Variants in SLK observed in about 807,000 individuals in gnomAD.
SLK encodes the protein STE20-like serine/threonine-protein kinase.
A neutral mutation model predicts 147.7 loss-of-function variants in SLK; 67 were observed. The observed-to-expected ratio is 0.45, with a 90% CI of 0.37 to 0.56. The LOEUF (loss-of-function observed/expected upper bound fraction) is 0.56, where lower values mean the gene tolerates loss of function less well. Ranked by LOEUF, SLK falls within the 20% of genes least tolerant of loss-of-function variation. SLK has a pLI of 0.00. For synonymous variants in SLK, 441 were observed against 475.0 expected (o/e 0.93, Z 0.93); for missense variants, 1,136 against 1,438.8 (o/e 0.79, Z 3.41).
Position 104,003,478 on chromosome 10 carries a change from T to A in SLK, c.2300T>A (p.Ile767Asn). 2 of 1,602,514 alleles carry A rather than the reference T, an allele frequency of 1.2e-6. No homozygotes were observed. Among genetic ancestry groups the A allele is most frequent in the Non-Finnish European group, 1.7e-6 (2 of 1,175,080 alleles). ...DTSSIDLNLS[I>N]SSFLSKTKDS... Reference sequence around the variant, plus strand: ...AGCAGTATTGACTTGAATTTATCCATCTCTAGCTTTCTAAGTAAAACTAAA... The same window carrying A: ...AGCAGTATTGACTTGAATTTATCCAACTCTAGCTTTCTAAGTAAAACTAAA... Residue 767 changes from isoleucine (I) to asparagine (N), a missense_variant, in exon 9 of 19, where the codon ATC becomes AAC. This residue lies in a region of SLK where 516 missense variants were observed against 531.3 expected (regional missense o/e 0.97). Transcript: ENST00000369755.
intron 13 of SLK, among the ~76,000 whole-genome samples, chr10:104,016,575 T>C (rs1844468541): frequency 6.6e-6 from 1 of 152,198 alleles, no homozygotes; most frequent in Non-Finnish European, 1.5e-5. Flanking sequence ...AAGTTGGTAA[T>C]TGCATTTTAT....
At chr10:103,986,620 G>A (rs1304003615) in intron 1 of SLK, among the ~76,000 whole-genome samples, 5 of 151,194 alleles carry the variant, frequency 3.3e-5, no homozygotes, top group Non-Finnish European at 5.9e-5. Flanking sequence ...TGGCCCTGTG[G>A]TTGGGGAACC....
intron 2 of SLK, 124 bp downstream of exon 2, chr10:103,990,963 G>A (rs1486758536): frequency 4.2e-6 from 2 of 473,210 alleles, no homozygotes; most frequent in Non-Finnish European, 7.0e-6. Context: ...TGTGTCACTT[G>A]AATGAGAGTT....
chr10:103,981,481 A>G (rs1843941484), intron 1 of SLK, among the ~76,000 whole-genome samples: 1 of 151,988 alleles, frequency 6.6e-6, no homozygotes. Flanking sequence ...TTTAGGTCTT[A>G]CATTTAGGTT....
At chr10:103,989,869 C>A (rs1375398156) in intron 1 of SLK, among the ~76,000 whole-genome samples, 2 of 152,146 alleles carry the variant, frequency 1.3e-5, no homozygotes, top group Non-Finnish European at 2.9e-5. Flanking sequence ...AACATGTCTA[C>A]ACAGAAACCC....
intron 4 of SLK, among the ~76,000 whole-genome samples, chr10:103,996,588 C>T (rs1844178216): frequency 1.3e-5 from 2 of 151,828 alleles, no homozygotes; most frequent in Non-Finnish European, 2.9e-5. Flanking sequence ...TTCGTAGAGA[C>T]GGGGTTTCAC....
At position 104,023,897 on chromosome 10, in the gene SLK, C is replaced by G. The variant is rs534274340; in HGVS notation, c.3562-1677C>G. On this transcript the variant is annotated intron_variant, in intron 18 of 18. Transcript: ENST00000369755. ...TTGTACAGATGACTACATACCTGTT[C>G]AGTGTTGACTAAAGAGTATAAACTC... Among the ~76,000 whole-genome samples, 92 of 152,288 alleles carry G rather than the reference C, an allele frequency of 6.0e-4. 1 individual carries two copies. The highest frequency in any genetic ancestry group is 2.1e-3 in the African/African-American group (89 of 41,566).
chr10:104,017,507 T>C (rs1318956915), intron 13 of SLK, among the ~76,000 whole-genome samples: 1 of 152,026 alleles, frequency 6.6e-6, no homozygotes, highest in Non-Finnish European at 1.5e-5. Flanking sequence ...TGAGATGGAG[T>C]CTCACTCTGT....
chr10:103,986,417 A>G (rs1052399965), intron 1 of SLK, among the ~76,000 whole-genome samples: 2 of 152,168 alleles, frequency 1.3e-5, no homozygotes, highest in African/African-American at 4.8e-5. Flanking sequence ...AATAGGGTTC[A>G]CAGTTCACGA....
chr10:104,005,500 A>C, intron 9 of SLK, 61 bp from the exon 10 acceptor site: 2 of 1,465,248 alleles, frequency 1.4e-6, no homozygotes, highest in Non-Finnish European at 1.8e-6. Flanking sequence ...AGGAAGAAGA[A>C]AATGTTTTCT....
At chr10:103,992,408 C>T (rs17116216) in intron 2 of SLK, among the ~76,000 whole-genome samples, 190 bp from the exon 3 acceptor site, 3,066 of 151,958 alleles carry the variant, frequency 0.02, 67 homozygotes, top group South Asian at 0.11. Context: ...TCACAGTGGG[C>T]TTTATCAAAT....
At position 104,025,782 on chromosome 10, in the gene SLK, C is replaced by T; in HGVS notation, c.*62C>T. ...CAGTATGTCATTCTGTTCTCATCTT[C>T]TGCCACAGTCTCTCAGATAGCTCAT... On this transcript the variant is annotated 3_prime_UTR_variant, in exon 19 of 19. Coordinates refer to ENST00000369755, the MANE Select transcript of SLK (RefSeq NM_014720.4). 7.1e-7 allele frequency: 1 copy of T among 1,417,288 alleles called. No homozygotes were observed. The highest frequency in any genetic ancestry group is 9.8e-7 in the Non-Finnish European group (1 of 1,015,484). 87.8% of individuals were successfully genotyped at this position (1,417,288 alleles called of 1,614,324 possible).
At chr10:104,021,239 T>A (rs1844529413) in intron 17 of SLK, among the ~76,000 whole-genome samples, 1 of 152,210 alleles carries the variant, frequency 6.6e-6, no homozygotes, top group Non-Finnish European at 1.5e-5. Context: ...GGCCAATAGA[T>A]CTTTTACAGG....
At chr10:103,988,156 C>G (rs1844043092) in intron 1 of SLK, among the ~76,000 whole-genome samples, 1 of 152,190 alleles carries the variant, frequency 6.6e-6, no homozygotes, top group South Asian at 2.1e-4. Flanking sequence ...ACACAATTCT[C>G]TTGACTGTGA....
At chr10:104,018,734 CATT>C (rs1554845092) in intron 14 of SLK, 47 bp from the exon 15 acceptor site, 1 of 1,570,364 alleles carries the variant, frequency 6.4e-7, no homozygotes, top group Non-Finnish European at 8.6e-7. Context: ...GAGCAAAGTA[CATT>C]AGTAAAAAAA....
Position 104,002,430 on chromosome 10 carries a change from G to A in SLK, c.1252G>A (p.Val418Ile), listed in dbSNP as rs1386007478. The change falls in exon 9 of 19, where the codon GTA (valine) becomes ATA (isoleucine). Residue 418 changes from valine (V) to isoleucine (I), a missense_variant. Transcript: ENST00000369755. The part of the protein sequence containing the change: ...AMTELHDRTA[V>I]IKENEREKRP... ...GACTGAACTCCATGACAGAACAGCA[G>A]TAATCAAGGAGAATGAAAGAGAGAA... 1.2e-6 allele frequency: 2 copies of A among 1,613,876 alleles called. No homozygotes were observed. Among genetic ancestry groups the A allele is most frequent in the Non-Finnish European group, 1.7e-6 (2 of 1,180,030 alleles).
intron 14 of SLK, 146 bp from the exon 15 acceptor site, chr10:104,018,638 A>T: frequency 1.3e-6 from 1 of 770,012 alleles, no homozygotes; most frequent in Non-Finnish European, 2.1e-6. Context: ...TACATTGGTT[A>T]CAGTTGCACT....
intron 15 of SLK, 152 bp downstream of exon 15, chr10:104,019,060 A>G (rs1329040445): frequency 7.8e-5 from 53 of 676,886 alleles, no homozygotes. Flanking sequence ...GGAGTAATTA[A>G]TTGTATCTTG....
intron 1 of SLK, among the ~76,000 whole-genome samples, chr10:103,983,283 C>T (rs1008952839): frequency 6.6e-6 from 1 of 152,126 alleles, no homozygotes; most frequent in African/African-American, 2.4e-5. Context: ...AAACAGATAA[C>T]AGTATGAACA....
Sources: gnomAD v4.1 joint callset for allele counts (sites outside exome capture counted in the v4.1 genomes callset) on GRCh38, gnomAD v4.1.1 for gene constraint, gnomAD v4.1.1 regional missense constraint, MANE v1.5 for transcripts, NCBI Gene and HGNC (gene_info 2026-07-23, HGNC 2026-07-21) for gene names.